Variants in PARP8 observed in about 807,000 individuals in gnomAD.
PARP8 encodes the protein poly(ADP-ribose) polymerase family member 8.
Under a neutral mutation model 124.1 loss-of-function variants are expected in PARP8, and 51 were observed. The observed-to-expected ratio is 0.41, with a 90% CI of 0.33 to 0.52. The LOEUF is 0.52. PARP8 is among the 20% of genes least tolerant of loss of function. The pLI is 0.21. For synonymous variants in PARP8, 391 were observed against 361.5 expected (o/e 1.08, Z -0.93); for missense variants, 860 against 1,018.9 (o/e 0.84, Z 2.12).
At chr5:50,667,815 G>C in intron 1 of PARP8, 2 of 1,097,598 alleles carry the variant, frequency 1.8e-6, no homozygotes, top group Non-Finnish European at 2.7e-6. Context: ...GGCTGCTTCC[G>C]GCCTCCCCTA....
At chr5:50,729,316 C>CT (rs902017583) in intron 2 of PARP8, among the ~76,000 whole-genome samples, 3 of 151,830 alleles carry the variant, frequency 2.0e-5, no homozygotes, top group African/African-American at 4.8e-5. Flanking sequence ...GGGGAAAAAA[C>CT]TTTTTTTTCA....
chr5:50,817,288 T>C (rs1399206538), intron 15 of PARP8, among the ~76,000 whole-genome samples: 1 of 152,222 alleles, frequency 6.6e-6, no homozygotes, highest in Non-Finnish European at 1.5e-5. Flanking sequence ...CTCAATTTAG[T>C]GATGTAATTC....
At chr5:50,754,448 C>T (rs1040298330) in intron 3 of PARP8, among the ~76,000 whole-genome samples, 15 of 151,518 alleles carry the variant, frequency 9.9e-5, no homozygotes, top group Non-Finnish European at 1.6e-4. Context: ...GTTTTTTGTC[C>T]TTGCGATAGT....
At chr5:50,707,807 T>C (rs1754316178) in intron 2 of PARP8, among the ~76,000 whole-genome samples, 1 of 152,134 alleles carries the variant, frequency 6.6e-6, no homozygotes, top group African/African-American at 2.4e-5. Context: ...AAGAGTCTTA[T>C]ATCAACCTTA....
chr5:50,732,981 C>G (rs1203983513), intron 2 of PARP8, among the ~76,000 whole-genome samples: 1 of 151,186 alleles, frequency 6.6e-6, no homozygotes, highest in Non-Finnish European at 1.5e-5. Flanking sequence ...TTTTTTATTT[C>G]TCATCTGTGG....
intron 2 of PARP8, among the ~76,000 whole-genome samples, chr5:50,700,213 G>A (rs1420077895): frequency 1.3e-5 from 2 of 152,052 alleles, no homozygotes; most frequent in Non-Finnish European, 2.9e-5. Flanking sequence ...CTGGTTTAGG[G>A]GTGAAAAGGT....
chr5:50,813,727 T>C (rs983254750), intron 14 of PARP8, among the ~76,000 whole-genome samples: 1 of 152,112 alleles, frequency 6.6e-6, no homozygotes, highest in Non-Finnish European at 1.5e-5. Context: ...TTGCTGTGGG[T>C]TTGTCATAAA....
chr5:50,838,771 T>C (rs1157754094), intron 25 of PARP8, among the ~76,000 whole-genome samples: 1 of 152,098 alleles, frequency 6.6e-6, no homozygotes, highest in Non-Finnish European at 1.5e-5. Context: ...CCAAGCTGTT[T>C]CTTTAAAACA....
chr5:50,793,620 C>T (rs1561388059), intron 10 of PARP8, among the ~76,000 whole-genome samples: 3 of 152,168 alleles, frequency 2.0e-5, no homozygotes, highest in African/African-American at 7.2e-5. Flanking sequence ...GGTGAATAGG[C>T]TGTGTTGAAG....
At chr5:50,750,719 GA>G (rs974739916) in intron 3 of PARP8, among the ~76,000 whole-genome samples, 2 of 151,966 alleles carry the variant, frequency 1.3e-5, no homozygotes, top group Non-Finnish European at 2.9e-5. Flanking sequence ...CGTTACATTT[GA>G]AAATACTTTC....
chr5:50,749,219 C>CTATA (rs1758951495), intron 2 of PARP8, among the ~76,000 whole-genome samples: 1 of 152,218 alleles, frequency 6.6e-6, no homozygotes, highest in East Asian at 1.9e-4. Context: ...ATTCTGTCTT[C>CTATA]TATATGTTCC....
intron 2 of PARP8, among the ~76,000 whole-genome samples, chr5:50,685,998 A>T (rs1157677093): frequency 2.0e-5 from 3 of 152,164 alleles, no homozygotes; most frequent in Non-Finnish European, 2.9e-5. Context: ...GCCCCTCCCA[A>T]ATCTCATGTC....
intron 3 of PARP8, among the ~76,000 whole-genome samples, chr5:50,756,901 A>G (rs944717290): frequency 4.6e-5 from 7 of 152,182 alleles, no homozygotes; most frequent in African/African-American, 1.7e-4. Flanking sequence ...GATTCCGTAT[A>G]GAAGTGAAAT....
intron 7 of PARP8, among the ~76,000 whole-genome samples, chr5:50,766,796 G>A (rs902843692): frequency 1.3e-5 from 2 of 151,970 alleles, no homozygotes; most frequent in Non-Finnish European, 2.9e-5. Context: ...TGAGAATTTG[G>A]GGTGGCTTAA....
intron 14 of PARP8, among the ~76,000 whole-genome samples, chr5:50,805,548 A>G (rs1425095004): frequency 6.6e-6 from 1 of 152,112 alleles, no homozygotes; most frequent in Non-Finnish European, 1.5e-5. Context: ...TTAATTTAAT[A>G]TTTGATAAGT....
chr5:50,711,201 C>G (rs1307937953), intron 2 of PARP8, among the ~76,000 whole-genome samples: 1 of 152,164 alleles, frequency 6.6e-6, no homozygotes, highest in African/African-American at 2.4e-5. Flanking sequence ...GCTAAGTCTT[C>G]TGATAGTCTT....
chr5:50,689,645 G>A (rs1351197263), intron 2 of PARP8, among the ~76,000 whole-genome samples: 1 of 152,158 alleles, frequency 6.6e-6, no homozygotes, highest in East Asian at 1.9e-4. Context: ...GGAGTGAAAG[G>A]AATATTTGGG....
intron 2 of PARP8, among the ~76,000 whole-genome samples, chr5:50,694,206 G>T (rs1311044368): frequency 1.3e-5 from 2 of 152,000 alleles, no homozygotes; most frequent in African/African-American, 4.8e-5. Context: ...TGAAAATTCT[G>T]AGTCTTGTGA....
At chr5:50,769,486 A>G (rs1761387741) in intron 7 of PARP8, among the ~76,000 whole-genome samples, 1 of 152,072 alleles carries the variant, frequency 6.6e-6, no homozygotes, top group African/African-American at 2.4e-5. Context: ...TTAAAAAGTA[A>G]CTAAACAACA....
Sources: gnomAD v4.1 joint callset for allele counts (sites outside exome capture counted in the v4.1 genomes callset) on GRCh38, gnomAD v4.1.1 for gene constraint, MANE v1.5 for transcripts, NCBI Gene and HGNC (gene_info 2026-07-23, HGNC 2026-07-21) for gene names.